Variants in PTBP3 observed in about 807,000 individuals in gnomAD.
PTBP3 encodes polypyrimidine tract binding protein 3.
PTBP3 carries 20 observed loss-of-function variants against 58.7 expected under a neutral mutation model. The observed-to-expected ratio is 0.34, with a 90% CI of 0.24 to 0.50. PTBP3 has a LOEUF of 0.50. Among genes scored for constraint, PTBP3 ranks in the 20% least tolerant of loss-of-function variants. The probability of loss-of-function intolerance (pLI) is 0.98; values close to 1 mark genes in which losing one functional copy is unlikely to be tolerated. For synonymous variants in PTBP3, 185 were observed against 219.8 expected (o/e 0.84, Z 1.40); for missense variants, 509 against 637.2 (o/e 0.80, Z 2.17).
rs192993276 is a variant in PTBP3, at chr9:112,246,899, G to A, written c.802+4030C>T. 1.8e-3 allele frequency among the ~76,000 whole-genome samples: 281 copies of A among 152,088 alleles called. 1 individual carries two copies. Among genetic ancestry groups the A allele is most frequent in the African/African-American group, 6.4e-3 (265 of 41,468 alleles). On this transcript the variant is annotated intron_variant, in intron 7 of 13. Transcript: ENST00000374257. Reference sequence around the variant, plus strand: ...ATGTGTCTCCTAATGTAATGAAGTAGGAAAGACACAAAATTATTTCTGCAG... The same window carrying A: ...ATGTGTCTCCTAATGTAATGAAGTAAGAAAGACACAAAATTATTTCTGCAG...
chr9:112,346,150 A>T, the PTBP3 span, among the ~76,000 whole-genome samples: 1 of 116,334 alleles, frequency 8.6e-6, no homozygotes, highest in Non-Finnish European at 1.8e-5. Context: ...AAATATAAAA[A>T]CTTTCTTTTC....
chr9:112,356,184 G>A, the PTBP3 span, among the ~76,000 whole-genome samples: 1 of 151,892 alleles, frequency 6.6e-6, no homozygotes, highest in Non-Finnish European at 1.5e-5. Flanking sequence ...TCACCATGTC[G>A]ACCAGGCCAG....
At chr9:112,344,812 T>C in the PTBP3 span, among the ~76,000 whole-genome samples, 5 of 152,198 alleles carry the variant, frequency 3.3e-5, no homozygotes, top group African/African-American at 7.2e-5. Flanking sequence ...CATTTCTATA[T>C]ACCACAAAAA....
At chr9:112,224,872 G>A (rs1173390515) in intron 12 of PTBP3, among the ~76,000 whole-genome samples, 1 of 152,184 alleles carries the variant, frequency 6.6e-6, no homozygotes, top group African/African-American at 2.4e-5. Flanking sequence ...CTCATGACAA[G>A]GAACTGGGGC....
chr9:112,304,933 G>C (rs1267846464), intron 1 of PTBP3, among the ~76,000 whole-genome samples: 2 of 151,930 alleles, frequency 1.3e-5, no homozygotes, highest in African/African-American at 2.4e-5. Flanking sequence ...CTTTAATATA[G>C]CATTTTTTCA....
the PTBP3 span, among the ~76,000 whole-genome samples, chr9:112,345,173 A>G: frequency 6.6e-6 from 1 of 151,952 alleles, no homozygotes; most frequent in South Asian, 2.1e-4. Flanking sequence ...TTAAAATGGT[A>G]AACTTAAATG....
intron 3 of PTBP3, among the ~76,000 whole-genome samples, chr9:112,268,724 A>T (rs190713398): frequency 0.024 from 3,677 of 151,926 alleles, 78 homozygotes; most frequent in Non-Finnish European, 0.028. Flanking sequence ...AAAAAAAAAA[A>T]AAAAAAAAAA....
intron 2 of PTBP3, among the ~76,000 whole-genome samples, chr9:112,289,640 G>C (rs1218996876): frequency 1.3e-5 from 2 of 152,162 alleles, no homozygotes; most frequent in Non-Finnish European, 2.9e-5. Flanking sequence ...AAATTAGCTG[G>C]ATGTGGTGGC....
chr9:112,250,864 G>T, intron 7 of PTBP3, 65 bp downstream of exon 7: 1 of 1,395,156 alleles, frequency 7.2e-7, no homozygotes, highest in Non-Finnish European at 9.5e-7. Flanking sequence ...AAACATACAT[G>T]GCTTAATAAA....
At position 112,221,351 on chromosome 9, in the gene PTBP3, A is replaced by C; in HGVS notation, c.*2500T>G. The C allele has an allele frequency of 1.0e-6, 1 of 985,838 alleles. No individual in the cohort carries two copies. The highest frequency in any genetic ancestry group is 1.2e-6 in the Non-Finnish European group (1 of 829,920). 61.1% of individuals were successfully genotyped at this position (985,838 alleles called of 1,614,324 possible). On this transcript the variant is annotated 3_prime_UTR_variant, in exon 14 of 14. Coordinates refer to ENST00000374257, the MANE Select transcript of PTBP3 (RefSeq NM_001163788.4). ...ATTCAAATGTTCTCTCTCAGACTTAAAAGGCCATTCCCTACTTCAAAGTTA... is the reference window on the plus strand; with the variant it reads ...ATTCAAATGTTCTCTCTCAGACTTACAAGGCCATTCCCTACTTCAAAGTTA...
rs1199216629 is a variant in PTBP3, at chr9:112,223,586, T to C, written c.*265A>G. 22 of 1,133,434 alleles carry C rather than the reference T, an allele frequency of 1.9e-5. No homozygotes were observed. Among genetic ancestry groups the C allele is most frequent in the Non-Finnish European group, 2.4e-5 (22 of 906,848 alleles). The allele number at this position is 1,133,434 out of a possible 1,614,324, so 70.2% of individuals were successfully genotyped here. ...AATTTAATATAGGGAATAAGATTAT[T>C]GAAAAAAAATTTTTTTCCTGATTTT... On this transcript the variant is annotated 3_prime_UTR_variant, in exon 14 of 14. Transcript: ENST00000374257.
chr9:112,336,270 A>T (rs975850958), upstream of PTBP3, among the ~76,000 whole-genome samples: 4 of 152,210 alleles, frequency 2.6e-5, no homozygotes, highest in Admixed American at 6.5e-5. Flanking sequence ...AGAAAATATC[A>T]TGAATGTATG....
chr9:112,303,562 C>A (rs1267440003), intron 1 of PTBP3, among the ~76,000 whole-genome samples: 1 of 152,156 alleles, frequency 6.6e-6, no homozygotes, highest in Non-Finnish European at 1.5e-5. Flanking sequence ...ATCGCATGGG[C>A]AGCTTGAAAA....
intron 9 of PTBP3, among the ~76,000 whole-genome samples, chr9:112,231,800 T>C (rs1000301663): frequency 1.3e-5 from 2 of 151,510 alleles, no homozygotes; most frequent in African/African-American, 2.4e-5. Flanking sequence ...CCTAGCTACC[T>C]GAGAGCCTGA....
At chr9:112,316,246 A>T (rs1045539430) in intron 1 of PTBP3, among the ~76,000 whole-genome samples, 2 of 152,204 alleles carry the variant, frequency 1.3e-5, no homozygotes, top group African/African-American at 4.8e-5. Flanking sequence ...GGTTGCACCT[A>T]GAGACTCGCT....
chr9:112,368,992 C>G, the PTBP3 span, among the ~76,000 whole-genome samples: 3 of 152,198 alleles, frequency 2.0e-5, no homozygotes, highest in Non-Finnish European at 2.9e-5. Context: ...AATCCCCAAG[C>G]CTTGATGGCT....
intron 7 of PTBP3, among the ~76,000 whole-genome samples, chr9:112,236,228 G>T (rs1589806054): frequency 6.6e-6 from 1 of 152,198 alleles, no homozygotes; most frequent in East Asian, 1.9e-4. Flanking sequence ...TGCAGGGATA[G>T]AATTAGCACA....
the PTBP3 span, among the ~76,000 whole-genome samples, chr9:112,376,554 T>C: frequency 2.6e-5 from 4 of 152,070 alleles, no homozygotes; most frequent in South Asian, 4.1e-4. Flanking sequence ...GCCCAGCCTA[T>C]TAAGTATTAA....
the PTBP3 span, among the ~76,000 whole-genome samples, chr9:112,351,542 C>T: frequency 6.6e-6 from 1 of 152,144 alleles, no homozygotes; most frequent in African/African-American, 2.4e-5. Flanking sequence ...TATGCACAGC[C>T]CACACTTAAG....
Sources: allele counts gnomAD v4.1 joint callset (sites outside exome capture counted in the v4.1 genomes callset), GRCh38; gene constraint gnomAD v4.1.1; transcripts MANE v1.5; gene names NCBI Gene and HGNC (gene_info 2026-07-23, HGNC 2026-07-21).